Variants in IGFBP6 observed in about 807,000 individuals in gnomAD.
IGFBP6 encodes insulin-like growth factor-binding protein 6.
IGFBP6 carries 24 observed loss-of-function variants against 24.5 expected under a neutral mutation model. The observed-to-expected ratio is 0.98, with a 90% confidence interval of 0.71 to 1.38. The LOEUF is 1.38. Ranked by LOEUF, IGFBP6 falls within the 40% of genes most tolerant of loss-of-function variation. The pLI is 0.00. For synonymous variants in IGFBP6, 147 were observed against 137.4 expected, an observed-to-expected ratio of 1.07 and a Z score of -0.49; for missense variants, 331 against 324.8, an observed-to-expected ratio of 1.02 and a Z score of -0.15.
At chr12:53,100,638 G>T (rs1937810557) in intron 1 of IGFBP6, 74 bp from the exon 2 acceptor site, 3 of 1,477,132 alleles carry the variant, frequency 2.0e-6, no homozygotes, top group Admixed American at 3.4e-5. Flanking sequence ...ACTTCAGCAG[G>T]TGATGTGGGC....
In IGFBP6 at chr12:53,102,235, C is replaced by T. The variant is rs1937844092; in HGVS notation, c.*68C>T. ...GGAGCTGTCATCACTCAACAAAAAACCGAGGCCCTCAATCCACCTTCAGGC... is the reference window on the plus strand; with the variant it reads ...GGAGCTGTCATCACTCAACAAAAAATCGAGGCCCTCAATCCACCTTCAGGC... On this transcript the variant is annotated 3_prime_UTR_variant, in exon 4 of 4. Coordinates refer to ENST00000301464, the MANE Select transcript of IGFBP6 (RefSeq NM_002178.3). 1 of 1,577,062 alleles carries T rather than the reference C, an allele frequency of 6.3e-7. No homozygotes were observed. The highest frequency in any genetic ancestry group is 8.6e-7 in the Non-Finnish European group (1 of 1,159,444).
At chr12:53,098,522 C>G (rs1251096012) in intron 1 of IGFBP6, among the ~76,000 whole-genome samples, 1 of 152,152 alleles carries the variant, frequency 6.6e-6, no homozygotes, top group Non-Finnish European at 1.5e-5. Flanking sequence ...GACTCCTTTC[C>G]TCCTAATACC....
In IGFBP6 at chr12:53,098,059, C is replaced by T; in HGVS notation, c.334+8C>T. The T allele has an allele frequency of 7.0e-7, 1 of 1,426,390 alleles. No individual in the cohort carries two copies. The highest frequency in any genetic ancestry group is 9.1e-7 in the Non-Finnish European group (1 of 1,100,998). 88.4% of individuals were successfully genotyped at this position (1,426,390 alleles called of 1,614,324 possible). A position where few individuals can be genotyped will look rare whatever the true frequency, so the allele number is the denominator to read the frequency against. On this transcript the variant is annotated splice_region_variant and intron_variant, in intron 1 of 3. Coordinates refer to ENST00000301464, the MANE Select transcript of IGFBP6 (RefSeq NM_002178.3). ...CGGCCCGCGCGCCTGCTGGTGAGTC[C>T]GCGCCCCGCCCCTGCCCCGCCCACG...
intron 2 of IGFBP6, 41 bp from the exon 3 acceptor site, chr12:53,101,000 G>A (rs1312330773): frequency 1.2e-6 from 2 of 1,608,588 alleles, no homozygotes; most frequent in African/African-American, 1.3e-5. Context: ...ATGGGGAGCT[G>A]GGCTGGAGCG....
At chr12:53,099,555 C>T (rs1441673013) in intron 1 of IGFBP6, among the ~76,000 whole-genome samples, 1 of 152,112 alleles carries the variant, frequency 6.6e-6, no homozygotes, top group East Asian at 1.9e-4. Context: ...CCTTTTGGGT[C>T]CCTGTTGGCC....
chr12:53,099,927 C>T (rs926268516), intron 1 of IGFBP6, among the ~76,000 whole-genome samples: 10 of 151,142 alleles, frequency 6.6e-5, no homozygotes, highest in African/African-American at 2.4e-4. Flanking sequence ...AGTGGTCCAG[C>T]GTCTCACTGC....
chr12:53,098,137 G>C (rs186535693), intron 1 of IGFBP6, 86 bp downstream of exon 1: 5 of 1,345,220 alleles, frequency 3.7e-6, no homozygotes, highest in Non-Finnish European at 4.8e-6. Flanking sequence ...TGGGTGGCCC[G>C]GCAAGCCTTT....
At chr12:53,101,898 CAAAAAAAAA>C (rs57771658) in intron 3 of IGFBP6, 138 bp from the exon 4 acceptor site, 59 of 199,414 alleles carry the variant, frequency 3.0e-4, no homozygotes, top group African/African-American at 1.1e-3. Flanking sequence ...GACTCCATCT[CAAAAAAAAA>C]AAAAAAAAAA....
At chr12:53,098,084 G>C (rs763344657) in intron 1 of IGFBP6, 33 bp downstream of exon 1, 49 of 1,397,170 alleles carry the variant, frequency 3.5e-5, no homozygotes, top group African/African-American at 1.7e-4. Context: ...CCCCGCCCAC[G>C]TGAGACCCGC....
In IGFBP6 at chr12:53,101,382, C is replaced by T. The variant is rs9658619; in HGVS notation, c.600+222C>T. 1.3e-4 allele frequency among the ~76,000 whole-genome samples: 20 copies of T among 152,350 alleles called. No individual in the cohort carries two copies. In the South Asian group the frequency reaches 3.9e-3, roughly 30 times the overall value. On this transcript the variant is annotated intron_variant, in intron 3 of 3. Coordinates refer to ENST00000301464, the MANE Select transcript of IGFBP6 (RefSeq NM_002178.3). ...CTTAAGGAATGCCCTAACTCAGTGG[C>T]TCTTGAACTTGAGGCATCAGAATCC...
At chr12:53,099,364 C>T (rs1276108375) in intron 1 of IGFBP6, 1 of 455,074 alleles carries the variant, frequency 2.2e-6, no homozygotes. Flanking sequence ...TTAATCTGCC[C>T]TCAGCCTATC....
chr12:53,097,701 G>C lies in IGFBP6; in HGVS notation c.-17G>C. 6.5e-7 allele frequency: 1 copy of C among 1,541,284 alleles called. No homozygotes were observed. Among genetic ancestry groups the C allele is most frequent in the South Asian group, 1.2e-5 (1 of 83,908 alleles). On this transcript the variant is annotated 5_prime_UTR_variant, in exon 1 of 4. Coordinates refer to ENST00000301464, the MANE Select transcript of IGFBP6 (RefSeq NM_002178.3). Reference sequence around the variant, plus strand: ...GCGACTGCTCTGGAAGGAGAGGACGGGGCACAAACCCTGACCATGACCCCC... The same window carrying C: ...GCGACTGCTCTGGAAGGAGAGGACGCGGCACAAACCCTGACCATGACCCCC...
intron 3 of IGFBP6, 121 bp from the exon 4 acceptor site, chr12:53,101,924 A>AAG: frequency 1.3e-6 from 1 of 789,464 alleles, no homozygotes; most frequent in Non-Finnish European, 1.9e-6. Context: ...AAAAAAAAAA[A>AAG]GAGAGGGAAC....
rs1937792965 is a variant in IGFBP6, at chr12:53,099,545, C to A, written c.335-1167C>A. ...CAAGGTCACAGCAGGGACACACATT[C>A]CTTTTGGGTCCCTGTTGGCCCCCCT... is the stretch of plus-strand genomic sequence containing the variant. On this transcript the variant is annotated intron_variant, in intron 1 of 3. Coordinates refer to ENST00000301464, the MANE Select transcript of IGFBP6 (RefSeq NM_002178.3). Among the ~76,000 whole-genome samples, 5 of 152,284 alleles carry A rather than the reference C, an allele frequency of 3.3e-5. 1 individual carries two copies. The South Asian group carries it at 1.0e-3, about 32-fold the overall frequency.
In IGFBP6 at chr12:53,098,024, C is replaced by T. The variant is rs1937770157; in HGVS notation, c.307C>T (p.Arg103Cys). Residue 103 changes from arginine to cysteine, a missense_variant, in exon 1 of 4, where the codon CGC becomes TGC. Physicochemically the swap from Arg to Cys is radical, Grantham distance 180. Transcript: ENST00000301464. ...GCGGGCGCTGCTGCTCGGCCGAGGC[C>T]GCTGCCTTCCGGCCCGCGCGCCTGC... The part of the protein sequence containing the change: ...PLRALLLGRG[R>C]CLPARAPAVA... 1 of 1,488,936 alleles carries T rather than the reference C, an allele frequency of 6.7e-7. No individual in the cohort carries two copies. Among genetic ancestry groups the T allele is most frequent in the Non-Finnish European group, 8.9e-7 (1 of 1,128,502 alleles). The allele number at this position is 1,488,936 out of a possible 1,614,324, so 92.2% of individuals were successfully genotyped here.
chr12:53,101,939 G>A (rs1024436802), intron 3 of IGFBP6, 106 bp from the exon 4 acceptor site: 18 of 432,730 alleles, frequency 4.2e-5, no homozygotes, highest in Admixed American at 6.8e-5. Context: ...GGGAACCCCC[G>A]AGGAGACGCT....
At chr12:53,100,953 T>C in intron 2 of IGFBP6, 88 bp from the exon 3 acceptor site, 1 of 1,602,538 alleles carries the variant, frequency 6.2e-7, no homozygotes. Context: ...CTCCATTGTC[T>C]GTCCTGGGTG....
intron 1 of IGFBP6, 113 bp downstream of exon 1, chr12:53,098,164 C>T: frequency 8.1e-7 from 1 of 1,231,322 alleles, no homozygotes; most frequent in Non-Finnish European, 1.1e-6. Flanking sequence ...TGGCCCTTGA[C>T]GCTTCCGACT....
In IGFBP6 at chr12:53,097,770, T is replaced by C; in HGVS notation, c.53T>C (p.Leu18Pro). 6.5e-7 allele frequency: 1 copy of C among 1,545,606 alleles called. No homozygotes were observed. The highest frequency in any genetic ancestry group is 8.7e-7 in the Non-Finnish European group (1 of 1,146,310). Reference protein sequence around the residue: ...PPLLLLLALLLAASPGGALAR... With the variant: ...PPLLLLLALLPAASPGGALAR... ...CTGCTGCTGCTGCTAGCTCTGCTGC[T>C]CGCTGCCAGCCCAGGAGGCGCCTTG... Residue 18 changes from leucine (L) to proline (P), a missense_variant, in exon 1 of 4, where the codon CTC becomes CCC. Coordinates refer to ENST00000301464, the MANE Select transcript of IGFBP6 (RefSeq NM_002178.3).
Sources: allele counts gnomAD v4.1 joint callset (sites outside exome capture counted in the v4.1 genomes callset), GRCh38; gene constraint gnomAD v4.1.1; transcripts MANE v1.5; gene names NCBI Gene and HGNC (gene_info 2026-07-23, HGNC 2026-07-21).